ARHGAP26: variants seen among roughly 807,000 people sequenced by gnomAD.
ARHGAP26 encodes the protein Rho GTPase activating protein 26.
In ARHGAP26, 38 loss-of-function variants were observed where a neutral mutation model predicts 104.8. That is an observed-to-expected ratio of 0.36 (90% CI 0.28 to 0.48). The LOEUF is 0.48. Ranked by LOEUF, ARHGAP26 falls within the 20% of genes least tolerant of loss-of-function variation. The pLI is 0.99. For missense variants in ARHGAP26, 704 were observed against 947.9 expected, an observed-to-expected ratio of 0.74 and a Z score of 3.38; for synonymous variants, 341 against 340.0, an observed-to-expected ratio of 1.00 and a Z score of -0.03.
intron 6 of ARHGAP26, among the ~76,000 whole-genome samples, chr5:142,901,595 C>A (rs1760346641): frequency 6.6e-6 from 1 of 152,196 alleles, no homozygotes; most frequent in South Asian, 2.1e-4. Context: ...TGGTGAGGCC[C>A]ACAGGGCAAG....
At chr5:142,994,512 A>G (rs1292105039) in intron 11 of ARHGAP26, among the ~76,000 whole-genome samples, 1 of 152,188 alleles carries the variant, frequency 6.6e-6, no homozygotes, top group African/African-American at 2.4e-5. Context: ...AAGGGTATGC[A>G]GTTTTTGGGA....
intron 10 of ARHGAP26, among the ~76,000 whole-genome samples, chr5:142,931,644 A>G (rs577787910): frequency 2.6e-5 from 4 of 151,598 alleles, no homozygotes; most frequent in South Asian, 4.2e-4. Context: ...TCTTTTTTTT[A>G]TCTTGAGTCC....
At chr5:143,211,309 GA>G (rs1274570925) in intron 21 of ARHGAP26, among the ~76,000 whole-genome samples, 4 of 152,116 alleles carry the variant, frequency 2.6e-5, no homozygotes, top group African/African-American at 9.7e-5. Context: ...GTATACTAAA[GA>G]AATATTTATT....
rs1485687942 is a variant in ARHGAP26, at chr5:142,921,314, A to G, written c.1028+8021A>G. Among the ~76,000 whole-genome samples the G allele has an allele frequency of 9.2e-5, 14 of 152,372 alleles. 1 individual carries two copies. The East Asian group carries it at 2.7e-3, about 29-fold the overall frequency. Reference sequence around the variant, plus strand: ...TCTCAGGTGATTTGCTTCCAGAGGCAGAAGAACATTTTATGCAGCTTTTAA... The same window carrying G: ...TCTCAGGTGATTTGCTTCCAGAGGCGGAAGAACATTTTATGCAGCTTTTAA... On this transcript the variant is annotated intron_variant, in intron 10 of 22. Coordinates refer to ENST00000645722, the MANE Select transcript of ARHGAP26 (RefSeq NM_001135608.3).
intron 11 of ARHGAP26, among the ~76,000 whole-genome samples, chr5:142,961,568 G>A (rs764353639): frequency 1.3e-5 from 2 of 152,148 alleles, no homozygotes; most frequent in Admixed American, 6.5e-5. Context: ...ATAGGGAGTA[G>A]CACTCAGTTT....
In ARHGAP26 at chr5:142,941,086, A is replaced by AG. The variant is rs1766265920; in HGVS notation, c.1107+8961_1107+8962insG. On this transcript the variant is annotated intron_variant, in intron 11 of 22. Transcript: ENST00000645722. ...AGCGACTCCATCTCAAAAAAAAAAA[A>AG]AAAAAAAAAAAAAAGAATCTATATT... Among the ~76,000 whole-genome samples, 4 of 149,970 alleles carry AG rather than the reference A, an allele frequency of 2.7e-5. 1 individual carries two copies. The highest frequency in any genetic ancestry group is 2.6e-4 in the Admixed American group (4 of 15,116).
At chr5:142,788,679 C>G (rs1442021985) in intron 1 of ARHGAP26, among the ~76,000 whole-genome samples, 1 of 152,126 alleles carries the variant, frequency 6.6e-6, no homozygotes, top group African/African-American at 2.4e-5. Flanking sequence ...TATAAGTAAT[C>G]TTGAGATGAT....
intron 5 of ARHGAP26, among the ~76,000 whole-genome samples, chr5:142,886,303 G>A (rs992803572): frequency 2.6e-5 from 4 of 152,098 alleles, no homozygotes; most frequent in African/African-American, 9.7e-5. Flanking sequence ...GTTCATATGA[G>A]GACAGTAGAG....
At chr5:143,113,818 T>G (rs771212200) in intron 17 of ARHGAP26, among the ~76,000 whole-genome samples, 19 of 152,204 alleles carry the variant, frequency 1.2e-4, no homozygotes, top group Non-Finnish European at 2.8e-4. Context: ...TAACCACTGA[T>G]TTTTCCCCTA....
chr5:143,175,113 C>G (rs1562554104), intron 20 of ARHGAP26, among the ~76,000 whole-genome samples: 1 of 152,222 alleles, frequency 6.6e-6, no homozygotes, highest in Non-Finnish European at 1.5e-5. Context: ...CAAATGTTCT[C>G]TCTGCTATAT....
chr5:142,814,579 T>G (rs1764734426), intron 1 of ARHGAP26, among the ~76,000 whole-genome samples: 1 of 152,234 alleles, frequency 6.6e-6, no homozygotes, highest in Admixed American at 6.5e-5. Flanking sequence ...GCTTAAATCT[T>G]CAGTACAACA....
intron 1 of ARHGAP26, among the ~76,000 whole-genome samples, chr5:142,778,865 T>A (rs1286312613): frequency 1.3e-5 from 2 of 152,196 alleles, no homozygotes; most frequent in African/African-American, 4.8e-5. Flanking sequence ...AAGCTTAATC[T>A]TTTGGTTAAA....
chr5:142,787,417 T>TG, intron 1 of ARHGAP26, among the ~76,000 whole-genome samples: 2 of 152,324 alleles, frequency 1.3e-5, no homozygotes, highest in Non-Finnish European at 2.9e-5. Context: ...GAAACCTATT[T>TG]GGGGAGGTCA....
intron 11 of ARHGAP26, among the ~76,000 whole-genome samples, chr5:142,963,214 G>A (rs1354446927): frequency 9.9e-6 from 1 of 100,564 alleles, no homozygotes; most frequent in African/African-American, 5.2e-5. Flanking sequence ...GTGTGTGTGT[G>A]TGTGTGCGCG....
chr5:143,209,836 G>A (rs1809159789), intron 21 of ARHGAP26, among the ~76,000 whole-genome samples: 1 of 151,858 alleles, frequency 6.6e-6, no homozygotes, highest in Non-Finnish European at 1.5e-5. Context: ...GCCCAGATGA[G>A]CACAGACAGC....
chr5:142,944,710 AAGATACTT>A (rs1402879597), intron 11 of ARHGAP26, among the ~76,000 whole-genome samples: 1 of 152,214 alleles, frequency 6.6e-6, no homozygotes, highest in Non-Finnish European at 1.5e-5. Flanking sequence ...AAATGTATGT[AAGATACTT>A]AGAACAGTGT....
rs1053688990 is a variant in ARHGAP26 at position 143,059,738 on chromosome 5, G to A, written c.1538+1991G>A. ...TACTTCATAGCATTTCTTGATCATT[G>A]TCTTATCTGTGAAACTTGAGAATGA... On this transcript the variant is annotated intron_variant, in intron 17 of 22. Coordinates refer to ENST00000645722, the MANE Select transcript of ARHGAP26 (RefSeq NM_001135608.3). Among the ~76,000 whole-genome samples, 4 of 152,190 alleles carry A rather than the reference G, an allele frequency of 2.6e-5. No homozygotes were observed. In the East Asian group the frequency reaches 5.8e-4, roughly 22 times the overall value.
intron 1 of ARHGAP26, among the ~76,000 whole-genome samples, chr5:142,786,668 T>C (rs1456867946): frequency 6.8e-6 from 1 of 147,260 alleles, no homozygotes; most frequent in Non-Finnish European, 1.5e-5. Flanking sequence ...TTTTTTTTTT[T>C]TTTTTTTTTT....
At chr5:142,994,017 T>C (rs942683728) in intron 11 of ARHGAP26, among the ~76,000 whole-genome samples, 9 of 152,252 alleles carry the variant, frequency 5.9e-5, no homozygotes, top group South Asian at 2.1e-4. Context: ...TTAGATGGCC[T>C]TGGTTCCTCA....
Sources: allele counts gnomAD v4.1 joint callset (sites outside exome capture counted in the v4.1 genomes callset), GRCh38; gene constraint gnomAD v4.1.1; transcripts MANE v1.5; gene names NCBI Gene and HGNC (gene_info 2026-07-23, HGNC 2026-07-21).